The following MTHFD2 variants were observed in gnomAD, a reference collection of about 807,000 sequenced individuals.
MTHFD2 encodes methylenetetrahydrofolate dehydrogenase (NADP+ dependent) 2, methenyltetrahydrofolate cyclohydrolase, also known as bifunctional methylenetetrahydrofolate dehydrogenase/cyclohydrolase, mitochondrial.
MTHFD2 carries 26 observed loss-of-function variants against 36.8 expected under a neutral mutation model. The observed-to-expected ratio is 0.71, with a 90% CI of 0.52 to 0.98. MTHFD2 has a LOEUF of 0.98. Ranked by LOEUF, MTHFD2 falls within the 50% of genes least tolerant of loss-of-function variation. The pLI, the probability that MTHFD2 is intolerant of heterozygous loss-of-function variation, is 0.00. For synonymous variants in MTHFD2, 164 were observed against 155.2 expected, an observed-to-expected ratio of 1.06 and a Z score of -0.42; for missense variants, 373 against 434.0, an observed-to-expected ratio of 0.86 and a Z score of 1.25.
At chr2:74,208,540 T>G in intron 3 of MTHFD2, 29 bp from the exon 4 acceptor site, 2 of 1,610,014 alleles carry the variant, frequency 1.2e-6, no homozygotes, top group Non-Finnish European at 1.7e-6. Context: ...GGTGGTGATT[T>G]AAGGCAACTG....
At position 74,207,773 on chromosome 2, in the gene MTHFD2, A is replaced by G. The variant is rs772358344; in HGVS notation, c.356A>G (p.Lys119Arg). Residue 119 changes from lysine (K) to arginine (R), a missense_variant, in exon 3 of 8, where the codon AAA (lysine) becomes AGA (arginine). Coordinates refer to ENST00000394053, the MANE Select transcript of MTHFD2 (RefSeq NM_006636.4). The part of the protein sequence containing the change: ...SEEELLNLIN[K>R]LNNDDNVDGL... ...GAAGAATTGTTGAATTTAATCAATA[A>G]ACTGAATAATGATGATAATGTAGAT... The G allele has an allele frequency of 4.4e-6, 7 of 1,607,884 alleles. No homozygotes were observed. Among genetic ancestry groups the G allele is most frequent in the Non-Finnish European group, 6.0e-6 (7 of 1,175,044 alleles).
rs116074308 is a variant in MTHFD2 at position 74,208,355 on chromosome 2, C to A, written c.410-214C>A. On this transcript the variant is annotated intron_variant, in intron 3 of 7. Transcript: ENST00000394053. ...TTGATTTAGTATTGTGGTCTTGATACAAAGGACAGTGGAGGGAAGCAGCTG... is the reference window on the plus strand; with the variant it reads ...TTGATTTAGTATTGTGGTCTTGATAAAAAGGACAGTGGAGGGAAGCAGCTG... Among the ~76,000 whole-genome samples, 1,232 of 152,330 alleles carry A rather than the reference C, an allele frequency of 8.1e-3. 16 individuals carry two copies. Among genetic ancestry groups the A allele is most frequent in the African/African-American group, 0.029 (1,194 of 41,566 alleles).
At chr2:74,200,916 G>GA (rs1376483454) in intron 1 of MTHFD2, among the ~76,000 whole-genome samples, 1 of 152,030 alleles carries the variant, frequency 6.6e-6, no homozygotes, top group Non-Finnish European at 1.5e-5. Flanking sequence ...ATTTCTCATG[G>GA]AAAATTACAG....
In MTHFD2 at chr2:74,208,575, T is replaced by C. The variant is rs554778457; in HGVS notation, c.416T>C (p.Ile139Thr). The change falls in exon 4 of 8, where the codon ATT (isoleucine) becomes ACT (threonine). Residue 139 changes from isoleucine (I) to threonine (T), a missense_variant. Around this residue, in one of 2 missense-constraint regions of MTHFD2, gnomAD observed 308 missense variants for 397.8 expected, o/e 0.77. Coordinates refer to ENST00000394053, the MANE Select transcript of MTHFD2 (RefSeq NM_006636.4). ...GTGCCAATTTCTTTTTCAGAGCATATTGATGAGAGAAGGATCTGCAATGCT... is the reference window on the plus strand; with the variant it reads ...GTGCCAATTTCTTTTTCAGAGCATACTGATGAGAGAAGGATCTGCAATGCT... ...LLVQLPLPEH[I>T]DERRICNAVS... is the part of the protein sequence containing the mutation. 2 of 1,614,056 alleles carry C rather than the reference T, an allele frequency of 1.2e-6. No individual in the cohort carries two copies. Among genetic ancestry groups the C allele is most frequent in the Admixed American group, 3.3e-5 (2 of 60,022 alleles).
chr2:74,211,349 C>T, intron 6 of MTHFD2, 58 bp downstream of exon 6: 2 of 1,149,796 alleles, frequency 1.7e-6, no homozygotes, highest in Admixed American at 2.0e-5. Flanking sequence ...AGGTTGTACC[C>T]CTCATCTTAG....
intron 1 of MTHFD2, among the ~76,000 whole-genome samples, chr2:74,202,318 C>T (rs1694060279): frequency 6.6e-6 from 1 of 151,972 alleles, no homozygotes; most frequent in Admixed American, 6.6e-5. Context: ...ACATATATGC[C>T]TGGCACATTA....
At chr2:74,213,342 T>G (rs1694353393) in intron 7 of MTHFD2, among the ~76,000 whole-genome samples, 2 of 138,838 alleles carry the variant, frequency 1.4e-5, no homozygotes, top group Admixed American at 7.9e-5. Context: ...AGTGGCAGGA[T>G]CTCAGCTTAC....
At chr2:74,200,407 T>C (rs1180410842) in intron 1 of MTHFD2, among the ~76,000 whole-genome samples, 1 of 152,244 alleles carries the variant, frequency 6.6e-6, no homozygotes, top group Non-Finnish European at 1.5e-5. Context: ...CAATCCATAT[T>C]ATCTGTACTG....
chr2:74,199,032 G>A (rs1693975812), intron 1 of MTHFD2, among the ~76,000 whole-genome samples: 1 of 152,230 alleles, frequency 6.6e-6, no homozygotes, highest in Non-Finnish European at 1.5e-5. Context: ...TCGGCGGGCG[G>A]GACGGGGGTG....
rs1693956750 is a variant in MTHFD2 at position 74,198,646 on chromosome 2, C to T, written c.5C>T (p.Ala2Val). 1.2e-6 allele frequency: 2 copies of T among 1,608,566 alleles called. No individual in the cohort carries two copies. The highest frequency in any genetic ancestry group is 8.5e-7 in the Non-Finnish European group (1 of 1,177,874). M[A>V]ATSLMSALAA... ...GCGCAGTCACCGGCGCGGTCTATGG[C>T]TGCGACTTCTCTAATGTCTGCTTTG... The change falls in exon 1 of 8, where the codon GCT becomes GTT. Residue 2 changes from alanine (A) to valine (V), a missense_variant. Physicochemically the swap from Ala to Val is moderately conservative, Grantham distance 64. Around this residue, in one of 2 missense-constraint regions of MTHFD2, gnomAD observed 65 missense variants for 36.1 expected, o/e 1.80. Transcript: ENST00000394053.
chr2:74,210,032 C>T lies in MTHFD2; in HGVS notation c.653C>T (p.Ala218Val), dbSNP rs1386669400. The T allele has an allele frequency of 9.9e-6, 16 of 1,612,572 alleles. No individual in the cohort carries two copies. Among genetic ancestry groups the T allele is most frequent in the Middle Eastern group, 1.6e-4 (1 of 6,084 alleles). Residue 218 changes from alanine to valine, a missense_variant, in exon 5 of 8, where the codon GCG becomes GTG. This residue lies in a region of MTHFD2 where 308 missense variants were observed against 397.8 expected (regional missense o/e 0.77). Transcript: ENST00000394053. ...GCAATGTTACTGCACACAGATGGGG[C>T]GCATGAACGTCCCGGAGGTAAGGAA... ...PIAMLLHTDGAHERPGGDATV... is the reference protein window; with the variant it reads ...PIAMLLHTDGVHERPGGDATV...
Position 74,207,877 on chromosome 2 carries a change from C to T in MTHFD2, c.409+51C>T, listed in dbSNP as rs765787524. ...GATTGCTGCTGCTTCTGCTCCTTTC[C>T]CTCTCCCTCCCTCTCTCTCTCCCTC... On this transcript the variant is annotated intron_variant, in intron 3 of 7. Coordinates refer to ENST00000394053, the MANE Select transcript of MTHFD2 (RefSeq NM_006636.4). The T allele has an allele frequency of 3.3e-6, 5 of 1,511,272 alleles. No individual in the cohort carries two copies. The Admixed American group carries it at 9.0e-5, about 27-fold the overall frequency. The allele number at this position is 1,511,272 out of a possible 1,614,324, so 93.6% of individuals were successfully genotyped here.
chr2:74,213,233 T>C (rs548099274), intron 7 of MTHFD2, among the ~76,000 whole-genome samples: 2 of 151,496 alleles, frequency 1.3e-5, no homozygotes, highest in Non-Finnish European at 2.9e-5. Context: ...ATAGAATGTT[T>C]ATCCGAGTTT....
chr2:74,203,910 GT>G (rs1399424108), intron 1 of MTHFD2, among the ~76,000 whole-genome samples: 923 of 88,622 alleles, frequency 0.01, 8 homozygotes, highest in Non-Finnish European at 0.016. Flanking sequence ...AGTTTAGTTA[GT>G]TTAGTTTAGT....
chr2:74,207,614 AC>A, intron 2 of MTHFD2, 89 bp from the exon 3 acceptor site: 1 of 1,276,336 alleles, frequency 7.8e-7, no homozygotes, highest in Non-Finnish European at 1.1e-6. Context: ...ATGATACAAA[AC>A]CCGTATGGTA....
intron 1 of MTHFD2, among the ~76,000 whole-genome samples, chr2:74,203,847 TTTAG>T (rs58156522): frequency 3.0e-5 from 1 of 32,806 alleles, no homozygotes; most frequent in Non-Finnish European, 5.5e-5. Flanking sequence ...GCTCATCTAG[TTTAG>T]TTTAGTTTAG....
rs17009746 is a variant in MTHFD2, at chr2:74,211,647, G to T, written c.764-94G>T. On this transcript the variant is annotated intron_variant, in intron 6 of 7. Transcript: ENST00000394053. ...AGGTTTTAATAAAACATGTTGATTA[G>T]TTCTTCAGGGTCTCTTGAAATTGAA... The T allele has an allele frequency of 4.5e-3, 5,496 of 1,227,560 alleles. 200 individuals are homozygous for T. The African/African-American group carries it at 0.075, about 17-fold the overall frequency. 76.0% of individuals were successfully genotyped at this position (1,227,560 alleles called of 1,614,324 possible). A position where few individuals can be genotyped will look rare whatever the true frequency, so the allele number is the denominator to read the frequency against.
rs138399228 is a variant in MTHFD2 at position 74,213,811 on chromosome 2, A to C, written c.890-268A>C. Among the ~76,000 whole-genome samples, 668 of 152,316 alleles carry C rather than the reference A, an allele frequency of 4.4e-3. 4 individuals carry two copies. Among genetic ancestry groups the C allele is most frequent in the Admixed American group, 7.5e-3 (114 of 15,294 alleles). On this transcript the variant is annotated intron_variant, in intron 7 of 7. Transcript: ENST00000394053. ...GGTAATGCTTATTATTGTTATACTT[A>C]CAACTCCCACACAGTTAACCTACTA... is the stretch of plus-strand genomic sequence containing the variant.
intron 7 of MTHFD2, among the ~76,000 whole-genome samples, chr2:74,212,607 A>G (rs572828418): frequency 6.6e-6 from 1 of 152,078 alleles, no homozygotes; most frequent in Admixed American, 6.5e-5. Flanking sequence ...ACCTTTTTAA[A>G]ATTATGGCTT....
Sources: allele counts gnomAD v4.1 joint callset (sites outside exome capture counted in the v4.1 genomes callset), GRCh38; gene constraint gnomAD v4.1.1; regional missense constraint gnomAD v4.1.1; transcripts MANE v1.5; gene names NCBI Gene and HGNC (gene_info 2026-07-23, HGNC 2026-07-21).